The following PCSK6 variants were observed in gnomAD, a reference collection of about 807,000 sequenced individuals.
The protein encoded by PCSK6 is proprotein convertase subtilisin/kexin type 6.
Under a neutral mutation model 123.3 loss-of-function variants are expected in PCSK6, and 85 were observed. The observed-to-expected ratio is 0.69, with a 90% CI of 0.58 to 0.83. The LOEUF (loss-of-function observed/expected upper bound fraction) is 0.83, where lower values mean the gene tolerates loss of function less well. Among genes scored for constraint, PCSK6 ranks in the 40% least tolerant of loss-of-function variants. PCSK6 has a pLI of 0.00. For missense variants in PCSK6, 1,191 were observed against 1,282.3 expected, an observed-to-expected ratio of 0.93 and a Z score of 1.09; for synonymous variants, 508 against 516.0, an observed-to-expected ratio of 0.98 and a Z score of 0.21.
chr15:101,404,217 G>A (rs1437938756), intron 6 of PCSK6, among the ~76,000 whole-genome samples: 2 of 152,088 alleles, frequency 1.3e-5, no homozygotes, highest in African/African-American at 2.4e-5. Context: ...GTCGTAACAG[G>A]GGCCAACCTT....
At chr15:101,399,850 C>T (rs370192168) in intron 6 of PCSK6, among the ~76,000 whole-genome samples, 10 of 152,144 alleles carry the variant, frequency 6.6e-5, no homozygotes, top group Admixed American at 3.9e-4. Flanking sequence ...CCCTCACCCA[C>T]GGGGCCCAGC....
At chr15:101,384,468 A>G in intron 9 of PCSK6, 43 bp from the exon 10 acceptor site, 6 of 1,547,180 alleles carry the variant, frequency 3.9e-6, no homozygotes, top group Non-Finnish European at 3.5e-6. Context: ...CAGCTCAACA[A>G]CGGCAGCCAC....
At chr15:101,439,329 T>G (rs1321925717) in intron 2 of PCSK6, among the ~76,000 whole-genome samples, 5 of 152,248 alleles carry the variant, frequency 3.3e-5, no homozygotes, top group Non-Finnish European at 1.5e-5. Flanking sequence ...GGGCAGAGCA[T>G]GTCGTGAAAG....
chr15:101,333,469 C>A (rs938340776), intron 13 of PCSK6, among the ~76,000 whole-genome samples: 3 of 152,256 alleles, frequency 2.0e-5, no homozygotes, highest in African/African-American at 4.8e-5. Context: ...CCTGCTTCCT[C>A]TTCCTTTCCT....
chr15:101,385,097 A>G (rs1437050168), intron 9 of PCSK6, among the ~76,000 whole-genome samples: 5 of 151,958 alleles, frequency 3.3e-5, no homozygotes, highest in Non-Finnish European at 1.5e-5. Context: ...GCTCACTGCA[A>G]CCCCGACCTC....
intron 13 of PCSK6, chr15:101,347,094 T>G: frequency 8.1e-7 from 1 of 1,231,770 alleles, no homozygotes; most frequent in Non-Finnish European, 1.0e-6. Flanking sequence ...CAGCTCTGTT[T>G]CCAAGGAAGT....
chr15:101,379,343 C>A lies in PCSK6; in HGVS notation c.1532+2749G>T, dbSNP rs1011938212. On this transcript the variant is annotated intron_variant, in intron 11 of 21. Coordinates refer to ENST00000611716, the MANE Select transcript of PCSK6 (RefSeq NM_002570.5). ...CCCTCAGGACCATGTGTGACGTCAC[C>A]ATAGACCTGACAGGTGTGGACACAT... 1.3e-5 allele frequency among the ~76,000 whole-genome samples: 2 copies of A among 152,170 alleles called. 1 individual carries two copies. The highest frequency in any genetic ancestry group is 2.9e-5 in the Non-Finnish European group (2 of 68,002).
intron 6 of PCSK6, among the ~76,000 whole-genome samples, chr15:101,421,449 C>G (rs1482667212): frequency 6.6e-6 from 1 of 152,174 alleles, no homozygotes; most frequent in Non-Finnish European, 1.5e-5. Context: ...TGATCCATTT[C>G]TAATGCACAG....
intron 1 of PCSK6, among the ~76,000 whole-genome samples, chr15:101,479,069 A>C (rs1209738543): frequency 1.3e-5 from 2 of 152,204 alleles, no homozygotes; most frequent in Non-Finnish European, 1.5e-5. Context: ...GAGTCACGTA[A>C]AGACGCAGAC....
chr15:101,379,163 A>C (rs1202360137), intron 11 of PCSK6, among the ~76,000 whole-genome samples: 3 of 152,246 alleles, frequency 2.0e-5, no homozygotes, highest in African/African-American at 7.2e-5. Flanking sequence ...GACATGCAGA[A>C]GGGGTAGCCC....
chr15:101,363,478 C>CA (rs1373762124), intron 13 of PCSK6, among the ~76,000 whole-genome samples: 2 of 152,216 alleles, frequency 1.3e-5, no homozygotes, highest in Non-Finnish European at 2.9e-5. Flanking sequence ...CTTGAGGATG[C>CA]AGCTGGCATG....
At chr15:101,403,552 A>G (rs2042674323) in intron 6 of PCSK6, among the ~76,000 whole-genome samples, 3 of 152,234 alleles carry the variant, frequency 2.0e-5, no homozygotes, top group African/African-American at 7.2e-5. Context: ...CACGTTAGTT[A>G]TAAAGCCTAA....
intron 11 of PCSK6, among the ~76,000 whole-genome samples, chr15:101,375,153 A>C (rs2041697982): frequency 6.6e-6 from 1 of 152,064 alleles, no homozygotes; most frequent in African/African-American, 2.4e-5. Flanking sequence ...GGGTTTCCCC[A>C]TGTTGGCCAC....
intron 13 of PCSK6, among the ~76,000 whole-genome samples, chr15:101,359,476 G>T (rs1349675996): frequency 6.6e-6 from 1 of 152,228 alleles, no homozygotes; most frequent in Non-Finnish European, 1.5e-5. Flanking sequence ...GGTTACAGAG[G>T]GTTCCAACTG....
chr15:101,323,775 T>C (rs1173502226), intron 17 of PCSK6, among the ~76,000 whole-genome samples: 1 of 151,086 alleles, frequency 6.6e-6, no homozygotes, highest in Non-Finnish European at 1.5e-5. Flanking sequence ...GATGGCTTTA[T>C]ACGTCTTTTA....
chr15:101,410,933 C>A (rs2055659241), intron 6 of PCSK6, among the ~76,000 whole-genome samples: 1 of 152,242 alleles, frequency 6.6e-6, no homozygotes, highest in Non-Finnish European at 1.5e-5. Flanking sequence ...TGGCAACCAA[C>A]AGCAATCGGC....
In PCSK6 at chr15:101,395,417, G is replaced by A. The variant is rs571997450; in HGVS notation, c.997-1993C>T. Reference sequence around the variant, plus strand: ...ATACCAAGAGCCTGAAATGCTCAAGGTTTGCATTTACAGCATGTAGCATGC... The same window carrying A: ...ATACCAAGAGCCTGAAATGCTCAAGATTTGCATTTACAGCATGTAGCATGC... On this transcript the variant is annotated intron_variant, in intron 7 of 21. Transcript: ENST00000611716. Among the ~76,000 whole-genome samples, 8 of 152,258 alleles carry A rather than the reference G, an allele frequency of 5.3e-5. No homozygotes were observed. The East Asian group carries it at 1.5e-3, about 29-fold the overall frequency.
intron 1 of PCSK6, among the ~76,000 whole-genome samples, chr15:101,474,111 T>A (rs1008016681): frequency 2.0e-5 from 3 of 152,246 alleles, no homozygotes; most frequent in Non-Finnish European, 2.9e-5. Context: ...CAATAAGGTT[T>A]CTTTTCTTTC....
intron 6 of PCSK6, among the ~76,000 whole-genome samples, chr15:101,411,645 A>G (rs4617840): frequency 0.29 from 44,081 of 152,036 alleles, 7,067 homozygotes; most frequent in African/African-American, 0.44. Context: ...GACAGGGCCA[A>G]TAGAACAAAT....
Sources: gnomAD v4.1 joint callset for allele counts (sites outside exome capture counted in the v4.1 genomes callset) on GRCh38, gnomAD v4.1.1 for gene constraint, MANE v1.5 for transcripts, NCBI Gene and HGNC (gene_info 2026-07-23, HGNC 2026-07-21) for gene names.